Variants in EYS observed in about 807,000 individuals in gnomAD.
EYS encodes the protein protein eyes shut homolog.
EYS carries 250 observed loss-of-function variants against 282.1 expected under a neutral mutation model. That is an observed-to-expected ratio of 0.89 (90% confidence interval 0.80 to 0.98). EYS has a LOEUF of 0.98. Ranked by LOEUF, EYS falls within the 50% of genes least tolerant of loss-of-function variation. The probability of loss-of-function intolerance (pLI) is 0.00; values close to 1 mark genes in which losing one functional copy is unlikely to be tolerated. For synonymous variants in EYS, 1,355 were observed against 1,282.9 expected, an observed-to-expected ratio of 1.06 and a Z score of -1.20; for missense variants, 4,016 against 3,709.0, an observed-to-expected ratio of 1.08 and a Z score of -2.15.
chr6:64,870,292 A>C (rs185096355), intron 19 of EYS, among the ~76,000 whole-genome samples: 1 of 151,804 alleles, frequency 6.6e-6, no homozygotes, highest in East Asian at 1.9e-4. Flanking sequence ...GTGATTGTGA[A>C]TACTCAAAAG....
intron 12 of EYS, among the ~76,000 whole-genome samples, chr6:65,213,256 C>T (rs892917167): frequency 5.9e-5 from 9 of 152,284 alleles, no homozygotes; most frequent in Non-Finnish European, 8.8e-5. Context: ...TGCGCACCTG[C>T]GGCAACTCTG....
chr6:64,885,545 G>C (rs897889034), intron 19 of EYS, among the ~76,000 whole-genome samples: 15 of 151,714 alleles, frequency 9.9e-5, no homozygotes, highest in African/African-American at 3.4e-4. Context: ...TACATTGATA[G>C]CTCAATAATT....
chr6:65,356,452 C>A (rs1355520347), intron 8 of EYS, among the ~76,000 whole-genome samples: 2 of 151,842 alleles, frequency 1.3e-5, no homozygotes, highest in African/African-American at 4.8e-5. Context: ...TGAGAGATGC[C>A]AGGAAAAATG....
intron 14 of EYS, among the ~76,000 whole-genome samples, chr6:64,991,873 C>T (rs1771078280): frequency 6.6e-6 from 1 of 151,628 alleles, no homozygotes; most frequent in East Asian, 1.9e-4. Flanking sequence ...CTTTAAGGTA[C>T]TAAATAAATT....
In EYS at chr6:65,587,095, T is replaced by TTCCATATTTTAGGCTACCATTGC. The variant is rs543029873; in HGVS notation, c.-333+52682_-333+52683insGCAATGGTAGCCTAAAATATGGA. On this transcript the variant is annotated intron_variant, in intron 2 of 42. Transcript: ENST00000503581. Reference sequence around the variant, plus strand: ...ATTTTAGGCTACCATTGAGAAGATGTTTCTCTAAGCAACATTTGATAAGAC... The same window carrying TTCCATATTTTAGGCTACCATTGC: ...ATTTTAGGCTACCATTGAGAAGATGTTCCATATTTTAGGCTACCATTGCTTCTCTAAGCAACATTTGATAAGAC... Among the ~76,000 whole-genome samples, 28 of 152,138 alleles carry TTCCATATTTTAGGCTACCATTGC rather than the reference T, an allele frequency of 1.8e-4. No homozygotes were observed. The East Asian group carries it at 4.8e-3, about 26-fold the overall frequency.
At chr6:64,296,583 T>TATATATATAC (rs1769021124) in intron 30 of EYS, among the ~76,000 whole-genome samples, 1 of 7,734 alleles carries the variant, frequency 1.3e-4, no homozygotes. Context: ...TATATATATA[T>TATATATATAC]ACATATATAT....
intron 35 of EYS, among the ~76,000 whole-genome samples, chr6:63,880,560 C>T (rs1238431008): frequency 6.7e-6 from 1 of 150,028 alleles, no homozygotes; most frequent in Middle Eastern, 3.2e-3. Context: ...CTGACTAATT[C>T]AGGCTTGGAC....
chr6:64,931,112 A>G (rs1768709308), intron 15 of EYS, among the ~76,000 whole-genome samples: 1 of 152,150 alleles, frequency 6.6e-6, no homozygotes, highest in African/African-American at 2.4e-5. Context: ...ATGAGCACAT[A>G]TAGGTAGTTC....
intron 2 of EYS, among the ~76,000 whole-genome samples, chr6:65,581,983 T>G (rs1276866891): frequency 6.6e-6 from 1 of 150,918 alleles, no homozygotes; most frequent in African/African-American, 2.4e-5. Flanking sequence ...AGGTGAGGAG[T>G]TTGAGACCAG....
At chr6:65,476,030 T>C (rs1765391983) in intron 5 of EYS, among the ~76,000 whole-genome samples, 1 of 152,180 alleles carries the variant, frequency 6.6e-6, no homozygotes, top group African/African-American at 2.4e-5. Flanking sequence ...AGTAAAATTT[T>C]GTCAGGGAGA....
intron 35 of EYS, among the ~76,000 whole-genome samples, chr6:63,970,546 A>G (rs1388647109): frequency 6.6e-6 from 1 of 151,788 alleles, no homozygotes; most frequent in African/African-American, 2.4e-5. Flanking sequence ...GAGGCAGGAG[A>G]CTGGCATGAA....
At chr6:65,663,875 T>C (rs1161046526) in intron 1 of EYS, among the ~76,000 whole-genome samples, 3 of 139,824 alleles carry the variant, frequency 2.1e-5, no homozygotes, top group Admixed American at 7.1e-5. Context: ...TCTTTTTTTT[T>C]TTTTTTTTTT....
At chr6:65,590,397 G>C (rs1191454211) in intron 2 of EYS, among the ~76,000 whole-genome samples, 1 of 152,050 alleles carries the variant, frequency 6.6e-6, no homozygotes, top group Non-Finnish European at 1.5e-5. Flanking sequence ...ACAGTGTGAT[G>C]TTTCAATACA....
At chr6:64,766,652 ATATAT>A (rs1773358705) in intron 22 of EYS, among the ~76,000 whole-genome samples, 3 of 48,580 alleles carry the variant, frequency 6.2e-5, no homozygotes, top group African/African-American at 2.6e-4. Context: ...AAAAAAAAAT[ATATAT>A]ATATATATAT....
chr6:65,465,172 AG>A (rs1170152575), intron 5 of EYS, among the ~76,000 whole-genome samples: 7 of 152,168 alleles, frequency 4.6e-5, no homozygotes, highest in African/African-American at 1.4e-4. Flanking sequence ...TGAGATAAAA[AG>A]ATAGCAGAAA....
intron 12 of EYS, among the ~76,000 whole-genome samples, chr6:65,089,427 G>T (rs557968795): frequency 1.3e-5 from 2 of 152,122 alleles, no homozygotes; most frequent in African/African-American, 4.8e-5. Flanking sequence ...GAACTTAAAG[G>T]TTTAATGACT....
chr6:63,762,675 A>G (rs2149655935), intron 40 of EYS, 42 bp from the exon 41 acceptor site: 4 of 1,524,974 alleles, frequency 2.6e-6, no homozygotes, highest in Non-Finnish European at 3.5e-6. Flanking sequence ...GCACTTGTTT[A>G]GAGATGGATA....
At chr6:65,226,250 T>G (rs1766623657) in intron 12 of EYS, among the ~76,000 whole-genome samples, 1 of 151,916 alleles carries the variant, frequency 6.6e-6, no homozygotes, top group Admixed American at 6.6e-5. Context: ...AATTAAAATC[T>G]CAATTCCATT....
intron 31 of EYS, among the ~76,000 whole-genome samples, chr6:64,090,294 C>A (rs978765251): frequency 2.6e-5 from 4 of 152,154 alleles, no homozygotes; most frequent in Non-Finnish European, 5.9e-5. Context: ...TTTCTGAAAA[C>A]TGTCAGATTT....
Sources: allele counts gnomAD v4.1 joint callset (sites outside exome capture counted in the v4.1 genomes callset), GRCh38; gene constraint gnomAD v4.1.1; transcripts MANE v1.5; gene names NCBI Gene and HGNC (gene_info 2026-07-23, HGNC 2026-07-21).